ARB2A: variants seen among roughly 807,000 people sequenced by gnomAD.
ARB2A encodes the protein ARB2 cotranscriptional regulator A, also known as cotranscriptional regulator ARB2A.
chr5:93,774,252 G>A, the ARB2A span, among the ~76,000 whole-genome samples: 1 of 152,164 alleles, frequency 6.6e-6, no homozygotes, highest in Admixed American at 6.5e-5. Context: ...CAGTAATATT[G>A]AAATGAGGCC....
the ARB2A span, among the ~76,000 whole-genome samples, chr5:94,095,700 C>T: frequency 1.3e-5 from 2 of 151,986 alleles, no homozygotes; most frequent in Admixed American, 6.6e-5. Context: ...GTATCCTATA[C>T]ATACTTCCAT....
the ARB2A span, among the ~76,000 whole-genome samples, chr5:93,886,467 AC>A: frequency 6.6e-6 from 1 of 151,698 alleles, no homozygotes; most frequent in African/African-American, 2.4e-5. Context: ...GGGAATTGAA[AC>A]CCAAAGTGCT....
the ARB2A span, chr5:93,742,868 A>C: frequency 6.6e-6 from 1 of 152,106 alleles, no homozygotes. Flanking sequence ...TGTATTTTTC[A>C]CTGCCCCAAG....
chr5:93,802,811 A>T, the ARB2A span, among the ~76,000 whole-genome samples: 1 of 152,116 alleles, frequency 6.6e-6, no homozygotes, highest in African/African-American at 2.4e-5. Flanking sequence ...CAACTATTCA[A>T]ATTTAGAAAA....
the ARB2A span, among the ~76,000 whole-genome samples, chr5:93,814,309 T>C: frequency 6.6e-6 from 1 of 152,288 alleles, no homozygotes; most frequent in African/African-American, 2.4e-5. Context: ...ATAATACATT[T>C]GTTATTTATT....
At chr5:93,964,941 A>C in the ARB2A span, among the ~76,000 whole-genome samples, 1 of 152,002 alleles carries the variant, frequency 6.6e-6, no homozygotes, top group Non-Finnish European at 1.5e-5. Context: ...AGGAGGAAAA[A>C]GTCAGAGGTA....
chr5:93,843,736 C>T, the ARB2A span, among the ~76,000 whole-genome samples: 1 of 151,866 alleles, frequency 6.6e-6, no homozygotes, highest in Non-Finnish European at 1.5e-5. Context: ...AAAAATTCAA[C>T]AGAAGGGTTA....
the ARB2A span, among the ~76,000 whole-genome samples, chr5:93,857,096 G>A: frequency 1.5e-3 from 224 of 152,264 alleles, 2 homozygotes; most frequent in African/African-American, 5.1e-3. Flanking sequence ...GCAGAACAGC[G>A]GATTTTCACG....
At chr5:93,833,505 T>C in the ARB2A span, among the ~76,000 whole-genome samples, 1 of 152,218 alleles carries the variant, frequency 6.6e-6, no homozygotes, top group Non-Finnish European at 1.5e-5. Context: ...GTAGCTATTC[T>C]ATGAGTTTAT....
chr5:94,080,465 G>A, the ARB2A span, among the ~76,000 whole-genome samples: 1 of 152,018 alleles, frequency 6.6e-6, no homozygotes, highest in Non-Finnish European at 1.5e-5. Context: ...GTGAACTCGA[G>A]GTTCAACATA....
chr5:93,896,439 T>C, the ARB2A span, among the ~76,000 whole-genome samples: 1 of 152,096 alleles, frequency 6.6e-6, no homozygotes, highest in Non-Finnish European at 1.5e-5. Context: ...TTTCAGGCCA[T>C]GTGTATAAGG....
At chr5:93,641,267 A>G in the ARB2A span, among the ~76,000 whole-genome samples, 1 of 152,056 alleles carries the variant, frequency 6.6e-6, no homozygotes, top group Non-Finnish European at 1.5e-5. Flanking sequence ...ATCAAGTGAT[A>G]ATTATTATAT....
At chr5:93,983,180 TGTGTG>T in the ARB2A span, among the ~76,000 whole-genome samples, 1 of 6,034 alleles carries the variant, frequency 1.7e-4, no homozygotes, top group Non-Finnish European at 6.7e-4. Context: ...GGTGTGTGTG[TGTGTG>T]TGTGTGTGTG....
chr5:93,723,316 TGTTA>T, the ARB2A span, among the ~76,000 whole-genome samples: 8 of 152,304 alleles, frequency 5.3e-5, no homozygotes, highest in Non-Finnish European at 8.8e-5. Flanking sequence ...TCATATTAGT[TGTTA>T]GTTACACTAA....
chr5:94,053,336 G>T, the ARB2A span: 1 of 623,550 alleles, frequency 1.6e-6, no homozygotes, highest in Non-Finnish European at 2.6e-6. Flanking sequence ...ATTTTTATGT[G>T]TTGCTTTAAC....
chr5:93,941,250 C>G, the ARB2A span, among the ~76,000 whole-genome samples: 2 of 152,092 alleles, frequency 1.3e-5, no homozygotes, highest in Non-Finnish European at 2.9e-5. Context: ...CACTCTCTCA[C>G]TCCCAAAACA....
At chr5:93,854,793 T>G in the ARB2A span, among the ~76,000 whole-genome samples, 19 of 152,202 alleles carry the variant, frequency 1.2e-4, no homozygotes, top group Non-Finnish European at 2.9e-5. Context: ...AATCCTGAGT[T>G]CTAGTTTGAT....
chr5:94,026,205 C>T, the ARB2A span, among the ~76,000 whole-genome samples: 1 of 152,124 alleles, frequency 6.6e-6, no homozygotes, highest in African/African-American at 2.4e-5. Flanking sequence ...ACAGCCCTGT[C>T]AGCCCCTAGC....
the ARB2A span, among the ~76,000 whole-genome samples, chr5:93,722,728 G>C: frequency 1.3e-5 from 2 of 152,058 alleles, no homozygotes; most frequent in African/African-American, 2.4e-5. Flanking sequence ...TCATGGAAGC[G>C]AGAGGTTATT....
Sources: allele counts gnomAD v4.1 joint callset (sites outside exome capture counted in the v4.1 genomes callset), GRCh38; gene constraint gnomAD v4.1.1; transcripts MANE v1.5; gene names NCBI Gene and HGNC (gene_info 2026-07-23, HGNC 2026-07-21).